SYNDIG1L: variants seen among roughly 807,000 people sequenced by gnomAD.
SYNDIG1L encodes synapse differentiation inducing 1 like, also known as synapse differentiation-inducing gene protein 1-like.
SYNDIG1L carries 13 observed loss-of-function variants against 20.1 expected under a neutral mutation model. The ratio of observed to expected loss-of-function variants is 0.65; its 90% CI spans 0.42 to 1.03. The LOEUF (loss-of-function observed/expected upper bound fraction) is 1.03, where lower values mean the gene tolerates loss of function less well. Ranked by LOEUF, SYNDIG1L falls within the 50% of genes least tolerant of loss-of-function variation. SYNDIG1L has a pLI of 0.00. For missense variants in SYNDIG1L, 294 were observed against 305.1 expected, an observed-to-expected ratio of 0.96 and a Z score of 0.27; for synonymous variants, 128 against 129.3, an observed-to-expected ratio of 0.99 and a Z score of 0.07.
intron 1 of SYNDIG1L, 25 bp from the exon 2 acceptor site, chr14:74,409,826 G>A (rs2086117346): frequency 3.7e-6 from 5 of 1,351,484 alleles, no homozygotes; most frequent in Non-Finnish European, 4.8e-6. Context: ...AGACAGACAA[G>A]CACTGAGGCC....
the SYNDIG1L span, among the ~76,000 whole-genome samples, chr14:74,444,185 A>G: frequency 7.9e-5 from 12 of 151,958 alleles, no homozygotes; most frequent in East Asian, 1.8e-3. Flanking sequence ...TCAGTCTCCC[A>G]AGTAGCTGGG....
chr14:74,413,250 C>T (rs1356932208), intron 1 of SYNDIG1L, among the ~76,000 whole-genome samples: 1 of 152,198 alleles, frequency 6.6e-6, no homozygotes, highest in African/African-American at 2.4e-5. Context: ...TTCCTCCTCC[C>T]TTGGGCTCTG....
the SYNDIG1L span, chr14:74,479,074 T>C: frequency 1.3e-5 from 2 of 152,152 alleles, no homozygotes; most frequent in Admixed American, 6.5e-5. Flanking sequence ...GAGTCTGGTA[T>C]GGGAGACAAG....
the SYNDIG1L span, among the ~76,000 whole-genome samples, chr14:74,434,964 TC>T: frequency 9.4e-5 from 14 of 148,968 alleles, no homozygotes; most frequent in African/African-American, 3.2e-4. Context: ...GTGCCTGTAG[TC>T]CCAGCTGCTC....
chr14:74,469,838 G>A, the SYNDIG1L span, among the ~76,000 whole-genome samples: 1 of 152,108 alleles, frequency 6.6e-6, no homozygotes, highest in African/African-American at 2.4e-5. Flanking sequence ...TCCAACCCTG[G>A]AATTTCTTTG....
the SYNDIG1L span, among the ~76,000 whole-genome samples, chr14:74,467,781 C>CA: frequency 6.6e-6 from 1 of 152,106 alleles, no homozygotes; most frequent in Admixed American, 6.6e-5. Flanking sequence ...CAGCCAGGCC[C>CA]AGGGGAGAAG....
At chr14:74,475,749 T>C in the SYNDIG1L span, among the ~76,000 whole-genome samples, 1 of 152,198 alleles carries the variant, frequency 6.6e-6, no homozygotes, top group Non-Finnish European at 1.5e-5. Flanking sequence ...TGAAATGGTC[T>C]CTAAAGCAAA....
At chr14:74,447,320 C>A in the SYNDIG1L span, among the ~76,000 whole-genome samples, 4 of 152,022 alleles carry the variant, frequency 2.6e-5, no homozygotes, top group African/African-American at 9.7e-5. Flanking sequence ...CCAAAAATTA[C>A]AAAATTGGCC....
chr14:74,455,555 G>A, the SYNDIG1L span, among the ~76,000 whole-genome samples: 2 of 152,170 alleles, frequency 1.3e-5, no homozygotes. Context: ...GAGTAGCTGG[G>A]ATTACAGGCG....
At chr14:74,452,085 C>T in the SYNDIG1L span, among the ~76,000 whole-genome samples, 5 of 148,430 alleles carry the variant, frequency 3.4e-5, no homozygotes, top group African/African-American at 1.2e-4. Context: ...TAACACTTTA[C>T]TAAAGAGAAT....
the SYNDIG1L span, among the ~76,000 whole-genome samples, chr14:74,470,059 G>A: frequency 6.6e-6 from 1 of 152,086 alleles, no homozygotes; most frequent in Non-Finnish European, 1.5e-5. Flanking sequence ...ATGCAGTCAC[G>A]AAAGGAGAAA....
At chr14:74,415,822 G>A (rs2086169990) in intron 1 of SYNDIG1L, among the ~76,000 whole-genome samples, 1 of 152,068 alleles carries the variant, frequency 6.6e-6, no homozygotes, top group African/African-American at 2.4e-5. Context: ...CAAAAGGATA[G>A]TGCTATCAAA....
Position 74,407,943 on chromosome 14 carries a change from G to C in SYNDIG1L, c.464C>G (p.Thr155Arg). Residue 155 changes from threonine (T) to arginine (R), a missense_variant, in exon 3 of 4, where the codon ACG becomes AGG. Thr to Arg is a moderately conservative substitution (Grantham distance 71). Transcript: ENST00000331628. ...TESESEDNFL[T>R]LPPRDHLGLT... Reference sequence around the variant, plus strand: ...TCCCAGGTGGTCCCTGGGAGGCAGCGTGAGGAAGTTGTCTTCACTTTCACT... The same window carrying C: ...TCCCAGGTGGTCCCTGGGAGGCAGCCTGAGGAAGTTGTCTTCACTTTCACT... 2 of 1,613,780 alleles carry C rather than the reference G, an allele frequency of 1.2e-6. No individual in the cohort carries two copies. The highest frequency in any genetic ancestry group is 1.1e-5 in the South Asian group (1 of 91,026).
chr14:74,435,611 G>A, the SYNDIG1L span, among the ~76,000 whole-genome samples: 10 of 152,254 alleles, frequency 6.6e-5, no homozygotes, highest in South Asian at 2.1e-4. Flanking sequence ...TTTTACCTCC[G>A]TAATATGCAT....
chr14:74,453,300 C>A, the SYNDIG1L span, among the ~76,000 whole-genome samples: 1 of 130,140 alleles, frequency 7.7e-6, no homozygotes, highest in African/African-American at 3.0e-5. Context: ...TTGCAGTGAG[C>A]CAAGATCACA....
the SYNDIG1L span, chr14:74,476,708 A>C: frequency 1.4e-6 from 1 of 717,928 alleles, no homozygotes; most frequent in Non-Finnish European, 2.3e-6. Context: ...TATGCAGGCC[A>C]TCTCCTGGTC....
chr14:74,409,481 C>T lies in SYNDIG1L; in HGVS notation c.264G>A (p.Glu88=), dbSNP rs2086112617. 6.2e-7 allele frequency: 1 copy of T among 1,613,154 alleles called. No homozygotes were observed. The highest frequency in any genetic ancestry group is 1.7e-5 in the Admixed American group (1 of 59,888). The change falls in exon 2 of 4, where the codon GAG becomes GAA. Residue 88 remains glutamate (E), a synonymous_variant. Coordinates refer to ENST00000331628, the MANE Select transcript of SYNDIG1L (RefSeq NM_001105579.2). The part of the protein sequence containing the change: ...KVKEPRAGSC[E]TSFTEDREPQ... ...GCTCCCTGTCCTCTGTGAAGCTTGT[C>T]TCACAGCTGCCTGCCCTGGGCTCCT...
the SYNDIG1L span, among the ~76,000 whole-genome samples, chr14:74,446,014 T>C: frequency 6.6e-6 from 1 of 152,230 alleles, no homozygotes; most frequent in Non-Finnish European, 1.5e-5. Flanking sequence ...GACTTCTATT[T>C]CTGGAAATAT....
At chr14:74,408,016 A>AG in intron 2 of SYNDIG1L, 27 bp from the exon 3 acceptor site, 2 of 1,591,296 alleles carry the variant, frequency 1.3e-6, no homozygotes. Context: ...TTTGGTGACC[A>AG]GGCCCAGGAT....
Sources: allele counts gnomAD v4.1 joint callset (sites outside exome capture counted in the v4.1 genomes callset), GRCh38; gene constraint gnomAD v4.1.1; transcripts MANE v1.5; gene names NCBI Gene and HGNC (gene_info 2026-07-23, HGNC 2026-07-21).